The following APOBEC3D variants were observed in gnomAD, a reference collection of about 807,000 sequenced individuals.
APOBEC3D encodes the protein apolipoprotein B mRNA editing enzyme catalytic subunit 3D.
APOBEC3D carries 37 observed loss-of-function variants against 45.6 expected under a neutral mutation model. The ratio of observed to expected loss-of-function variants is 0.81; its 90% CI spans 0.62 to 1.07. The LOEUF is 1.07. APOBEC3D is among the 50% of genes least tolerant of loss of function. The pLI is 0.00. For synonymous variants in APOBEC3D, 175 were observed against 180.7 expected, an observed-to-expected ratio of 0.97 and a Z score of 0.25; for missense variants, 496 against 495.3, an observed-to-expected ratio of 1.00 and a Z score of -0.01.
chr22:39,030,696 A>G (rs1457762583), intron 5 of APOBEC3D, among the ~76,000 whole-genome samples: 1 of 151,946 alleles, frequency 6.6e-6, no homozygotes, highest in African/African-American at 2.4e-5. Context: ...TGTGGGTCCA[A>G]TGACCTTCCC....
chr22:39,024,162 T>C (rs557934071), intron 2 of APOBEC3D, among the ~76,000 whole-genome samples: 115 of 152,364 alleles, frequency 7.5e-4, no homozygotes, highest in Middle Eastern at 6.8e-3. Context: ...CTGATTAACA[T>C]AAAATTCTTC....
In APOBEC3D at chr22:39,033,169, A is replaced by T. The variant is rs1039502050; in HGVS notation, c.*853A>T. 1.8e-4 allele frequency: 131 copies of T among 723,032 alleles called. 1 individual carries two copies. The highest frequency in any genetic ancestry group is 2.1e-4 in the Non-Finnish European group (123 of 590,552). The allele number at this position is 723,032 out of a possible 1,614,324, so 44.8% of individuals were successfully genotyped here. ...GAGGTGGAGGCTGGAGTAAACTGAG[A>T]TCGCGCCACAGAACTCCAGTTTGAG... On this transcript the variant is annotated 3_prime_UTR_variant, in exon 7 of 7. Transcript: ENST00000216099.
At chr22:39,027,659 G>C (rs569976988) in intron 4 of APOBEC3D, among the ~76,000 whole-genome samples, 1 of 152,324 alleles carries the variant, frequency 6.6e-6, no homozygotes, top group South Asian at 2.1e-4. Context: ...ACCACTGCCC[G>C]TTCTGCCCAT....
intron 4 of APOBEC3D, among the ~76,000 whole-genome samples, chr22:39,027,348 A>AG (rs1925775072): frequency 6.6e-6 from 1 of 152,042 alleles, no homozygotes; most frequent in Admixed American, 6.5e-5. Context: ...TGTGAAGGCA[A>AG]GGGGGAAGCA....
chr22:39,025,223 G>A lies in APOBEC3D; in HGVS notation c.364G>A (p.Glu122Lys), dbSNP rs368593387. 12 of 1,613,806 alleles carry A rather than the reference G, an allele frequency of 7.4e-6. No homozygotes were observed. In the African/African-American group the frequency reaches 1.6e-4, roughly 22 times the overall value. Residue 122 changes from glutamate to lysine, a missense_variant, in exon 3 of 7, where the codon GAG (glutamate) becomes AAG (lysine). Glu to Lys is a moderately conservative substitution (Grantham distance 56). Coordinates refer to ENST00000216099, the MANE Select transcript of APOBEC3D (RefSeq NM_152426.4). ...CVVKVTKFLAEHPNVTLTISA... is the reference protein window; with the variant it reads ...CVVKVTKFLAKHPNVTLTISA... Reference sequence around the variant, plus strand: ...GGTGAAGGTGACCAAATTCTTGGCTGAGCACCCCAATGTCACCCTGACCAT... The same window carrying A: ...GGTGAAGGTGACCAAATTCTTGGCTAAGCACCCCAATGTCACCCTGACCAT...
At chr22:39,029,977 G>A (rs6001390) in intron 5 of APOBEC3D, among the ~76,000 whole-genome samples, 576 of 151,806 alleles carry the variant, frequency 3.8e-3, no homozygotes, top group Middle Eastern at 0.014. Context: ...TCAGATTGTC[G>A]AGGGGTTTTG....
chr22:39,025,015 G>A lies in APOBEC3D; in HGVS notation c.211-55G>A, dbSNP rs987298575. 1.5e-4 allele frequency: 19 copies of A among 129,822 alleles called. No homozygotes were observed. The Middle Eastern group carries it at 6.5e-3, about 44-fold the overall frequency. 8.0% of individuals were successfully genotyped at this position (129,822 alleles called of 1,614,324 possible). On this transcript the variant is annotated intron_variant, in intron 2 of 6. Transcript: ENST00000216099. ...GCCCCTCCTCCCCCTGCCCCACCCC[G>A]CACCCCTCCTGTTCCCCCGTCCCAG... is the stretch of plus-strand genomic sequence containing the variant.
At chr22:39,023,904 G>A (rs191920767) in intron 2 of APOBEC3D, among the ~76,000 whole-genome samples, 58 of 152,064 alleles carry the variant, frequency 3.8e-4, no homozygotes, top group Non-Finnish European at 7.2e-4. Context: ...TAAGTTCCCC[G>A]CCTTGTCCCA....
At chr22:39,023,900 C>T (rs1925375049) in intron 2 of APOBEC3D, among the ~76,000 whole-genome samples, 2 of 152,210 alleles carry the variant, frequency 1.3e-5, no homozygotes, top group Middle Eastern at 3.4e-3. Flanking sequence ...ACACTAAGTT[C>T]CCCGCCTTGT....
intron 4 of APOBEC3D, among the ~76,000 whole-genome samples, chr22:39,027,750 C>T (rs1370190622): frequency 6.6e-6 from 1 of 152,152 alleles, no homozygotes; most frequent in African/African-American, 2.4e-5. Context: ...CCTGGGCTCC[C>T]TCCCCTCTGG....
intron 5 of APOBEC3D, among the ~76,000 whole-genome samples, chr22:39,030,681 G>C (rs1173286146): frequency 6.6e-6 from 1 of 151,902 alleles, no homozygotes; most frequent in East Asian, 1.9e-4. Flanking sequence ...AACTCCATGG[G>C]ACAATGTGGG....
At chr22:39,027,310 A>G (rs1487891168) in intron 4 of APOBEC3D, among the ~76,000 whole-genome samples, 4 of 152,062 alleles carry the variant, frequency 2.6e-5, no homozygotes, top group African/African-American at 4.8e-5. Flanking sequence ...CCCACCCACT[A>G]TTCCTCCCTC....
chr22:39,031,972 A>C lies in APOBEC3D; in HGVS notation c.1041A>C (p.Lys347Asn), dbSNP rs758499806. ...EGASVKIMGY[K>N]DFVSCWKNFV... is the part of the protein sequence containing the mutation. ...CCTCCGTGAAGATCATGGGCTACAA[A>C]GGTGAGACGTGGGGGGCTGAGGAGA... is the stretch of plus-strand genomic sequence containing the variant. Residue 347 changes from lysine (K) to asparagine (N), a missense_variant and splice_region_variant, in exon 6 of 7, where the codon AAA becomes AAC. Coordinates refer to ENST00000216099, the MANE Select transcript of APOBEC3D (RefSeq NM_152426.4). 4 of 1,613,944 alleles carry C rather than the reference A, an allele frequency of 2.5e-6. No homozygotes were observed. In the East Asian group the frequency reaches 8.9e-5, roughly 36 times the overall value.
rs751024970 is a variant in APOBEC3D, at chr22:39,031,834, C to T, written c.903C>T (p.Ala301=). The T allele has an allele frequency of 6.2e-6, 10 of 1,614,004 alleles. No homozygotes were observed. The highest frequency in any genetic ancestry group is 4.0e-5 in the African/African-American group (3 of 74,900). ...GCCCAGAGTGTGCAGGGGAGGTGGC[C>T]GAGTTCCTGGCCAGGCACAGCAACG... ...SPCPECAGEV[A]EFLARHSNVN... Residue 301 remains alanine, a synonymous_variant, in exon 6 of 7, where the codon GCC becomes GCT. Coordinates refer to ENST00000216099, the MANE Select transcript of APOBEC3D (RefSeq NM_152426.4).
At chr22:39,031,625 C>A in intron 5 of APOBEC3D, 69 bp from the exon 6 acceptor site, 1 of 1,581,762 alleles carries the variant, frequency 6.3e-7, no homozygotes. Context: ...CTTCTCCCAT[C>A]GCCCCACCCC....
At position 39,021,506 on chromosome 22, in the gene APOBEC3D, C is replaced by G. The variant is rs6001387; in HGVS notation, c.-14C>G. ...AAGAGGGAGACTGGGACAAGCGTAT[C>G]TAAGAGGCTGAACATGAATCCACAG... On this transcript the variant is annotated 5_prime_UTR_variant, in exon 1 of 7. In the 5' UTR this introduces an upstream ATG that the reference lacks. Coordinates refer to ENST00000216099, the MANE Select transcript of APOBEC3D (RefSeq NM_152426.4). The G allele has an allele frequency of 8.7e-6, 14 of 1,614,210 alleles. No individual in the cohort carries two copies. In the African/African-American group the frequency reaches 1.6e-4, roughly 18 times the overall value.
intron 4 of APOBEC3D, among the ~76,000 whole-genome samples, 185 bp from the exon 5 acceptor site, chr22:39,029,178 C>T (rs138570752): frequency 6.6e-6 from 1 of 152,162 alleles, no homozygotes; most frequent in Admixed American, 6.5e-5. Flanking sequence ...CCTGTCCCTG[C>T]TGCCCCTGCC....
chr22:39,021,919 T>C (rs1410866991), intron 1 of APOBEC3D, among the ~76,000 whole-genome samples: 3 of 152,212 alleles, frequency 2.0e-5, no homozygotes, highest in Non-Finnish European at 4.4e-5. Flanking sequence ...TCTCAGTGCT[T>C]TGATGAACTT....
intron 1 of APOBEC3D, among the ~76,000 whole-genome samples, chr22:39,022,397 G>T (rs1925207870): frequency 6.6e-6 from 1 of 152,226 alleles, no homozygotes; most frequent in Non-Finnish European, 1.5e-5. Context: ...AGAGAGGCCT[G>T]GGCCTCAGAA....
Sources: allele counts gnomAD v4.1 joint callset (sites outside exome capture counted in the v4.1 genomes callset), GRCh38; gene constraint gnomAD v4.1.1; transcripts MANE v1.5; gene names NCBI Gene and HGNC (gene_info 2026-07-23, HGNC 2026-07-21).